SOX6: variants seen among roughly 807,000 people sequenced by gnomAD.
SOX6 encodes transcription factor SOX-6.
SOX6 carries 11 observed loss-of-function variants against 97.8 expected under a neutral mutation model. That is an observed-to-expected ratio of 0.11 (90% CI 0.07 to 0.19). The LOEUF (loss-of-function observed/expected upper bound fraction) is 0.19. Ranked by LOEUF, SOX6 falls within the 10% of genes least tolerant of loss-of-function variation. The pLI is 1.00. For missense variants in SOX6, 810 were observed against 1,039.5 expected (o/e 0.78, Z 3.04); for synonymous variants, 360 against 371.4 (o/e 0.97, Z 0.35).
chr11:16,428,355 C>T (rs1289426373), intron 1 of SOX6, among the ~76,000 whole-genome samples: 3 of 152,158 alleles, frequency 2.0e-5, no homozygotes, highest in African/African-American at 4.8e-5. Flanking sequence ...TCAATTTTGG[C>T]TTTTGTTGCC....
At chr11:16,478,184 A>G (rs1860287970), upstream of SOX6, among the ~76,000 whole-genome samples, 1 of 152,368 alleles carries the variant, frequency 6.6e-6, no homozygotes, top group Admixed American at 6.5e-5. Context: ...ATTCTAGAAG[A>G]ATCCGAAAGA....
intron 4 of SOX6, among the ~76,000 whole-genome samples, chr11:16,207,354 G>T (rs1350478532): frequency 6.6e-6 from 1 of 152,100 alleles, no homozygotes; most frequent in Non-Finnish European, 1.5e-5. Context: ...TGTAATCCTA[G>T]CACTTTGGGA....
intron 10 of SOX6, among the ~76,000 whole-genome samples, chr11:16,052,054 T>C (rs985032872): frequency 3.3e-5 from 5 of 152,192 alleles, no homozygotes; most frequent in Non-Finnish European, 5.9e-5. Flanking sequence ...TTTTCATGTC[T>C]TGCTTTATCA....
Position 15,972,740 on chromosome 11 carries a change from CT to C in SOX6, c.*68del. The C allele has an allele frequency of 6.4e-7, 1 of 1,554,722 alleles. No homozygotes were observed. Among genetic ancestry groups the C allele is most frequent in the Non-Finnish European group, 8.9e-7 (1 of 1,127,476 alleles). On this transcript the variant is annotated 3_prime_UTR_variant, in exon 16 of 16. Coordinates refer to ENST00000683767, the MANE Select transcript of SOX6 (RefSeq NM_001367873.1). ...GTGGAGCCACAAATGCATGCGGGCT[CT>C]TTAATAACTCTTTGTTGGGGAGGGG...
At chr11:16,390,396 G>T (rs1858135989) in intron 1 of SOX6, among the ~76,000 whole-genome samples, 1 of 152,128 alleles carries the variant, frequency 6.6e-6, no homozygotes, top group Non-Finnish European at 1.5e-5. Context: ...GCTCTTCAGT[G>T]CCTTCAGATA....
At chr11:16,377,847 A>G (rs1857685200) in intron 1 of SOX6, among the ~76,000 whole-genome samples, 1 of 152,164 alleles carries the variant, frequency 6.6e-6, no homozygotes, top group African/African-American at 2.4e-5. Context: ...ATTAATTTCG[A>G]ACTCATTAGA....
At chr11:16,640,211 T>C (rs1249422446) in intron 3 of SOX6, among the ~76,000 whole-genome samples, 3 of 152,348 alleles carry the variant, frequency 2.0e-5, no homozygotes, top group East Asian at 3.9e-4. Flanking sequence ...CTGGATTACA[T>C]TTATTGATTT....
chr11:16,664,941 C>A (rs563333766), intron 3 of SOX6, among the ~76,000 whole-genome samples: 2 of 152,050 alleles, frequency 1.3e-5, no homozygotes, highest in African/African-American at 4.8e-5. Context: ...TCTAGACACA[C>A]CTTGGGCCAG....
At chr11:16,575,700 C>G (rs1399500618) in intron 4 of SOX6, among the ~76,000 whole-genome samples, 1 of 152,030 alleles carries the variant, frequency 6.6e-6, no homozygotes, top group African/African-American at 2.4e-5. Context: ...CATTCATAGG[C>G]AGTAAAACTA....
intron 1 of SOX6, among the ~76,000 whole-genome samples, chr11:16,421,925 T>C (rs1166643566): frequency 6.6e-6 from 1 of 152,134 alleles, no homozygotes; most frequent in Non-Finnish European, 1.5e-5. Context: ...ATTTGGAAAA[T>C]AAGCTAGCAA....
Position 16,300,840 on chromosome 11 carries a change from T to C in SOX6, c.445+17606A>G, listed in dbSNP as rs534335647. On this transcript the variant is annotated intron_variant, in intron 3 of 15. Coordinates refer to ENST00000683767, the MANE Select transcript of SOX6 (RefSeq NM_001367873.1). This position sits in a 1 kb window ranked among gnomAD's most constrained non-coding sequence, Gnocchi z 4.1. ...AATGTTAAAGCCTGTGGGTTTTGTT[T>C]TTCACATTATTTTGGCTCATCATCC... Among the ~76,000 whole-genome samples the C allele has an allele frequency of 1.2e-4, 19 of 152,236 alleles. No homozygotes were observed. Among genetic ancestry groups the C allele is most frequent in the Admixed American group, 3.9e-4 (6 of 15,280 alleles).
At chr11:16,226,873 T>C (rs181418364) in intron 4 of SOX6, among the ~76,000 whole-genome samples, 12 of 152,294 alleles carry the variant, frequency 7.9e-5, no homozygotes, top group African/African-American at 2.9e-4. Context: ...TTTTAGTTGT[T>C]TGTGGGTTGC....
chr11:16,117,181 T>G (rs1849368903), intron 6 of SOX6, among the ~76,000 whole-genome samples: 1 of 152,038 alleles, frequency 6.6e-6, no homozygotes, highest in Admixed American at 6.5e-5. Context: ...GACCCCTGTC[T>G]GTCTCTACTA....
chr11:16,494,052 C>T (rs1410813274), intron 4 of SOX6, among the ~76,000 whole-genome samples: 1 of 152,056 alleles, frequency 6.6e-6, no homozygotes, highest in Non-Finnish European at 1.5e-5. Flanking sequence ...TTATAGTACA[C>T]CCAGACACTG....
At chr11:16,675,429 T>G (rs1847877367) in intron 3 of SOX6, among the ~76,000 whole-genome samples, 1 of 152,138 alleles carries the variant, frequency 6.6e-6, no homozygotes, top group Non-Finnish European at 1.5e-5. Context: ...AAAAATACAG[T>G]CATGAGCCAC....
intron 1 of SOX6, among the ~76,000 whole-genome samples, chr11:16,344,240 T>A (rs1565102553): frequency 6.6e-6 from 1 of 151,862 alleles, no homozygotes; most frequent in African/African-American, 2.4e-5. Flanking sequence ...TTTTTTACAT[T>A]TGGTCTTGTT....
chr11:16,222,752 G>T (rs1852579933), intron 4 of SOX6, among the ~76,000 whole-genome samples: 1 of 151,944 alleles, frequency 6.6e-6, no homozygotes, highest in Admixed American at 6.6e-5. Flanking sequence ...GCCTACTGTA[G>T]CATTTATTGA....
chr11:16,639,067 T>A (rs928242005), intron 3 of SOX6, among the ~76,000 whole-genome samples: 5 of 152,238 alleles, frequency 3.3e-5, no homozygotes, highest in African/African-American at 1.2e-4. Context: ...AACATTTAAG[T>A]CTTTAATCCA....
intron 3 of SOX6, among the ~76,000 whole-genome samples, chr11:16,692,048 TGCGTGTGC>T (rs1461148606): frequency 3.1e-5 from 4 of 129,240 alleles, no homozygotes; most frequent in African/African-American, 1.3e-4. Context: ...AGTTTTGATT[TGCGTGTGC>T]GTGTGTGTGT....
Sources: gnomAD v4.1 joint callset for allele counts (sites outside exome capture counted in the v4.1 genomes callset) on GRCh38, gnomAD v4.1.1 for gene constraint, Gnocchi (gnomAD v3.1) non-coding constraint, MANE v1.5 for transcripts, NCBI Gene and HGNC (gene_info 2026-07-23, HGNC 2026-07-21) for gene names.